The following CISD1 variants were observed in gnomAD, a reference collection of about 807,000 sequenced individuals.
CISD1 encodes the protein CDGSH iron sulfur domain 1.
A neutral mutation model predicts 12.0 loss-of-function variants in CISD1; 8 were observed. That is an observed-to-expected ratio of 0.67 (90% CI 0.39 to 1.20). The LOEUF is 1.20. Ranked by LOEUF, CISD1 falls within the 50% of genes most tolerant of loss-of-function variation. CISD1 has a pLI of 0.01. For missense variants in CISD1, 107 were observed against 132.7 expected (o/e 0.81, Z 0.95); for synonymous variants, 38 against 42.2 (o/e 0.90, Z 0.39).
intron 1 of CISD1, among the ~76,000 whole-genome samples, chr10:58,274,440 CTTTTTTTTTTT>C (rs34405014): frequency 2.5e-5 from 2 of 79,150 alleles, no homozygotes; most frequent in Admixed American, 3.0e-4. Context: ...AAAATAACAA[CTTTTTTTTTTT>C]TTTTTTTTTT....
chr10:58,270,795 A>G (rs963680785), intron 1 of CISD1, among the ~76,000 whole-genome samples: 1 of 152,202 alleles, frequency 6.6e-6, no homozygotes, highest in Non-Finnish European at 1.5e-5. Context: ...ATCATTTTCC[A>G]TTGCCTAAGG....
chr10:58,269,570 CGCCGCTA>C (rs1407554144), intron 1 of CISD1, among the ~76,000 whole-genome samples: 1 of 152,188 alleles, frequency 6.6e-6, no homozygotes, highest in East Asian at 1.9e-4. Flanking sequence ...CTAATGACCG[CGCCGCTA>C]GCTTTTCTTG....
In CISD1 at chr10:58,289,461, A is replaced by AT. The variant is rs553317720; in HGVS notation, c.*1815dup. 15 of 152,204 alleles carry AT rather than the reference A, an allele frequency of 9.9e-5. No homozygotes were observed. In the East Asian group the frequency reaches 2.9e-3, roughly 29 times the overall value. 9.4% of individuals were successfully genotyped at this position (152,204 alleles called of 1,614,324 possible). ...TTACTGTGAAATATAGATCTTGAGC[A>AT]TTTTGAAAGGCCAAAATAATTAGGT... On this transcript the variant is annotated 3_prime_UTR_variant, in exon 3 of 3. Transcript: ENST00000333926.
chr10:58,280,677 A>G lies in CISD1; in HGVS notation c.237+3355A>G, dbSNP rs186374100. ...GATATGGATAAAAATCAAGGGCTAA[A>G]TATGAAATCTTGGGGAATTTTCTGC... On this transcript the variant is annotated intron_variant, in intron 2 of 2. Transcript: ENST00000333926. Among the ~76,000 whole-genome samples the G allele has an allele frequency of 8.5e-5, 13 of 152,324 alleles. No individual in the cohort carries two copies. In the East Asian group the frequency reaches 2.3e-3, roughly 27 times the overall value.
At chr10:58,272,480 A>G (rs971427713) in intron 1 of CISD1, among the ~76,000 whole-genome samples, 6 of 152,230 alleles carry the variant, frequency 3.9e-5, no homozygotes, top group Non-Finnish European at 7.3e-5. Context: ...AATTCATTTA[A>G]CCACAACATA....
chr10:58,283,958 G>GT (rs998331483), intron 2 of CISD1, among the ~76,000 whole-genome samples: 6 of 151,954 alleles, frequency 3.9e-5, no homozygotes, highest in African/African-American at 7.2e-5. Flanking sequence ...TATTCTTTGT[G>GT]TTTTTTTCAT....
At chr10:58,279,344 A>G (rs1480188083) in intron 2 of CISD1, among the ~76,000 whole-genome samples, 2 of 152,100 alleles carry the variant, frequency 1.3e-5, no homozygotes, top group East Asian at 1.9e-4. Context: ...AATCCAAAAC[A>G]TTTTGGATTT....
intron 1 of CISD1, among the ~76,000 whole-genome samples, chr10:58,276,903 ACT>A (rs1839320998): frequency 6.6e-6 from 1 of 152,046 alleles, no homozygotes; most frequent in South Asian, 2.1e-4. Context: ...AGCTATCATC[ACT>A]CAGTAGAAAA....
chr10:58,287,492 C>A, intron 2 of CISD1, 69 bp from the exon 3 acceptor site: 2 of 1,103,136 alleles, frequency 1.8e-6, no homozygotes, highest in African/African-American at 1.6e-5. Flanking sequence ...TAAGCATCAC[C>A]TTCCACTCTG....
In CISD1 at chr10:58,289,306, T is replaced by C. The variant is rs1305119757; in HGVS notation, c.*1656T>C. 1 of 152,212 alleles carries C rather than the reference T, an allele frequency of 6.6e-6. No homozygotes were observed. Among genetic ancestry groups the C allele is most frequent in the Non-Finnish European group, 1.5e-5 (1 of 67,928 alleles). The allele number at this position is 152,212 out of a possible 1,614,324, so 9.4% of individuals were successfully genotyped here. ...CCTTCTAACTTAACAGACTATTCTT[T>C]ATCTTGAATTTGAAATTATATTGTT... On this transcript the variant is annotated 3_prime_UTR_variant, in exon 3 of 3. Transcript: ENST00000333926.
chr10:58,271,101 G>A (rs1162280370), intron 1 of CISD1, among the ~76,000 whole-genome samples: 3 of 147,842 alleles, frequency 2.0e-5, no homozygotes, highest in Non-Finnish European at 4.4e-5. Context: ...GTGCAGTGGC[G>A]GGATCTCGGC....
At chr10:58,274,915 TATC>T (rs1412988049) in intron 1 of CISD1, among the ~76,000 whole-genome samples, 2 of 152,214 alleles carry the variant, frequency 1.3e-5, no homozygotes, top group Admixed American at 1.3e-4. Context: ...TATTTTCACT[TATC>T]ATGATGAGTT....
At position 58,269,167 on chromosome 10, in the gene CISD1, C is replaced by A. The variant is rs1839205911; in HGVS notation, c.-107C>A. On this transcript the variant is annotated 5_prime_UTR_variant, in exon 1 of 3. Transcript: ENST00000333926. ...CGCCGCGGCGCCTGCGCGGTAGCAT[C>A]GCGGAGTCGGTGCTTTAGTACGCCG... is the stretch of plus-strand genomic sequence containing the variant. 1 of 1,210,984 alleles carries A rather than the reference C, an allele frequency of 8.3e-7. No homozygotes were observed. Among genetic ancestry groups the A allele is most frequent in the Non-Finnish European group, 1.2e-6 (1 of 832,782 alleles). The allele number at this position is 1,210,984 out of a possible 1,614,324, so 75.0% of individuals were successfully genotyped here.
At chr10:58,279,337 C>G (rs1049010683) in intron 2 of CISD1, among the ~76,000 whole-genome samples, 2 of 152,022 alleles carry the variant, frequency 1.3e-5, no homozygotes, top group Non-Finnish European at 2.9e-5. Context: ...AATCTGAAAT[C>G]CAAAACATTT....
chr10:58,270,425 G>A (rs187081505), intron 1 of CISD1, among the ~76,000 whole-genome samples: 21 of 152,242 alleles, frequency 1.4e-4, no homozygotes, highest in Non-Finnish European at 3.1e-4. Context: ...TTAAAATAGG[G>A]TGTGATTTTT....
Position 58,287,931 on chromosome 10 carries a change from T to C in CISD1, c.*281T>C, listed in dbSNP as rs777249828. The C allele has an allele frequency of 6.7e-5, 18 of 266,676 alleles. No homozygotes were observed. The highest frequency in any genetic ancestry group is 1.1e-4 in the Non-Finnish European group (15 of 142,604). 16.5% of individuals were successfully genotyped at this position (266,676 alleles called of 1,614,324 possible). A position where few individuals can be genotyped will look rare whatever the true frequency, so the allele number is the denominator to read the frequency against. On this transcript the variant is annotated 3_prime_UTR_variant, in exon 3 of 3. Transcript: ENST00000333926. ...TTTAAAATACTGACATATAGAGTTG[T>C]ACCTTATATAGAATATAGTTGTATC...
intron 2 of CISD1, among the ~76,000 whole-genome samples, chr10:58,278,510 G>A (rs767539210): frequency 4.6e-5 from 7 of 152,052 alleles, no homozygotes; most frequent in Admixed American, 6.6e-5. Flanking sequence ...ATCACACTGC[G>A]TTCCAGCGAC....
rs755481995 is a variant in CISD1 at position 58,287,551 on chromosome 10, C to A, written c.238-10C>A. 3.1e-6 allele frequency: 5 copies of A among 1,588,052 alleles called. No individual in the cohort carries two copies. In the African/African-American group the frequency reaches 6.7e-5, roughly 21 times the overall value. On this transcript the variant is annotated splice_polypyrimidine_tract_variant and intron_variant, in intron 2 of 2. Transcript: ENST00000333926. Reference sequence around the variant, plus strand: ...ATTAGATGTTTCACATTCATTCTTTCTCTTCCTAGTTCCCATTCTGTGATG... The same window carrying A: ...ATTAGATGTTTCACATTCATTCTTTATCTTCCTAGTTCCCATTCTGTGATG...
chr10:58,279,204 A>T (rs185674245), intron 2 of CISD1, among the ~76,000 whole-genome samples: 1 of 152,270 alleles, frequency 6.6e-6, no homozygotes, highest in African/African-American at 2.4e-5. Context: ...ATATTGTATA[A>T]AATTACTTTC....
Sources: gnomAD v4.1 joint callset for allele counts (sites outside exome capture counted in the v4.1 genomes callset) on GRCh38, gnomAD v4.1.1 for gene constraint, MANE v1.5 for transcripts, NCBI Gene and HGNC (gene_info 2026-07-23, HGNC 2026-07-21) for gene names.